RHOJ: variants seen among roughly 807,000 people sequenced by gnomAD.
RHOJ encodes ras homolog family member J.
RHOJ carries 11 observed loss-of-function variants against 23.4 expected under a neutral mutation model. The observed-to-expected ratio is 0.47, with a 90% CI of 0.30 to 0.78. The LOEUF is 0.78. RHOJ is among the 30% of genes least tolerant of loss of function. The pLI, the probability that RHOJ is intolerant of heterozygous loss-of-function variation, is 0.08. For missense variants in RHOJ, 254 were observed against 273.4 expected (o/e 0.93, Z 0.50); for synonymous variants, 102 against 102.7 (o/e 0.99, Z 0.04).
chr14:63,238,583 G>A (rs189566366), intron 1 of RHOJ, among the ~76,000 whole-genome samples: 93 of 152,140 alleles, frequency 6.1e-4, no homozygotes, highest in African/African-American at 2.1e-3. Flanking sequence ...CACCATGCCC[G>A]GATAATTTTT....
chr14:63,241,588 A>T (rs1894884645), intron 1 of RHOJ, among the ~76,000 whole-genome samples: 2 of 152,156 alleles, frequency 1.3e-5, no homozygotes, highest in Non-Finnish European at 1.5e-5. Flanking sequence ...AGCCTTGCAG[A>T]TGACAGGAAC....
At chr14:63,258,600 C>G (rs987178710) in intron 1 of RHOJ, among the ~76,000 whole-genome samples, 5 of 152,182 alleles carry the variant, frequency 3.3e-5, no homozygotes, top group Non-Finnish European at 7.3e-5. Context: ...TTCCCTCTCC[C>G]CAACAGCCCA....
intron 1 of RHOJ, among the ~76,000 whole-genome samples, chr14:63,258,875 T>C (rs1415398137): frequency 1.3e-5 from 2 of 152,230 alleles, no homozygotes; most frequent in Non-Finnish European, 2.9e-5. Flanking sequence ...TGTGTTTCCT[T>C]GTATGTGAAG....
At position 63,227,831 on chromosome 14, in the gene RHOJ, T is replaced by C. The variant is rs532807291; in HGVS notation, c.178+22784T>C. On this transcript the variant is annotated intron_variant, in intron 1 of 4. Coordinates refer to ENST00000316754, the MANE Select transcript of RHOJ (RefSeq NM_020663.5). ...AATAAACATTAAAGACAGATTTACATGAAGCTAATGAAGATTACGTTTCAG... is the reference window on the plus strand; with the variant it reads ...AATAAACATTAAAGACAGATTTACACGAAGCTAATGAAGATTACGTTTCAG... Among the ~76,000 whole-genome samples, 9 of 152,342 alleles carry C rather than the reference T, an allele frequency of 5.9e-5. 1 individual carries two copies. The highest frequency in any genetic ancestry group is 1.9e-4 in the African/African-American group (8 of 41,584).
chr14:63,259,026 G>A (rs975761056), intron 1 of RHOJ, among the ~76,000 whole-genome samples: 2 of 152,038 alleles, frequency 1.3e-5, no homozygotes, highest in South Asian at 2.1e-4. Context: ...AGCAACCTCC[G>A]CCTCCCAGGT....
Position 63,281,116 on chromosome 14 carries a change from A to C in RHOJ, c.383A>C (p.Tyr128Ser), listed in dbSNP as rs546171562. ...AAGGACTGCATGCCTCACGTGCCTT[A>C]TGTCCTCATAGGGACCCAGGTTAAA... ...ELKDCMPHVP[Y>S]VLIGTQIDLR... Residue 128 changes from tyrosine to serine, a missense_variant, in exon 3 of 5, where the codon TAT becomes TCT. Coordinates refer to ENST00000316754, the MANE Select transcript of RHOJ (RefSeq NM_020663.5). 14 of 1,612,662 alleles carry C rather than the reference A, an allele frequency of 8.7e-6. No individual in the cohort carries two copies. In the East Asian group the frequency reaches 2.7e-4, roughly 31 times the overall value.
chr14:63,280,938 G>A (rs1341881846), intron 2 of RHOJ, 33 bp from the exon 3 acceptor site: 2 of 1,594,776 alleles, frequency 1.3e-6, no homozygotes. Context: ...ACCTTACACA[G>A]GCTGTACAAA....
chr14:63,291,238 G>C lies in RHOJ; in HGVS notation c.*214G>C, dbSNP rs1342555624. 5.1e-6 allele frequency: 3 copies of C among 582,946 alleles called. No homozygotes were observed. In the African/African-American group the frequency reaches 5.6e-5, roughly 11 times the overall value. 36.1% of individuals were successfully genotyped at this position (582,946 alleles called of 1,614,324 possible). A position where few individuals can be genotyped will look rare whatever the true frequency, so the allele number is the denominator to read the frequency against. ...GCCAGAAGCATCCGTACTGCACGCT[G>C]TCTGAGAATGCTGGGCCTGGATTGC... On this transcript the variant is annotated 3_prime_UTR_variant, in exon 5 of 5. Transcript: ENST00000316754.
chr14:63,227,055 G>A (rs996797367), intron 1 of RHOJ, among the ~76,000 whole-genome samples: 1 of 152,032 alleles, frequency 6.6e-6, no homozygotes, highest in Admixed American at 6.6e-5. Context: ...GGGTTCAAGC[G>A]ATTCTCCCAC....
At chr14:63,221,556 G>C (rs1458369334) in intron 1 of RHOJ, among the ~76,000 whole-genome samples, 1 of 152,208 alleles carries the variant, frequency 6.6e-6, no homozygotes, top group Non-Finnish European at 1.5e-5. Flanking sequence ...ACTTTTTCCA[G>C]TGTCAGAAAC....
intron 1 of RHOJ, among the ~76,000 whole-genome samples, chr14:63,213,964 G>A (rs1373309203): frequency 2.6e-5 from 4 of 152,160 alleles, no homozygotes; most frequent in East Asian, 3.8e-4. Flanking sequence ...GAAGGCCAGC[G>A]ATGTGCCCAA....
chr14:63,278,728 A>T (rs1268001640), intron 2 of RHOJ, among the ~76,000 whole-genome samples: 4 of 152,146 alleles, frequency 2.6e-5, no homozygotes, highest in Admixed American at 1.3e-4. Flanking sequence ...CACGCCTATC[A>T]TCCTAGCACT....
In RHOJ at chr14:63,204,467, T is replaced by C. The variant is rs944009837; in HGVS notation, c.-403T>C. ...CATTAAAAAGCCCAGCTTTCCTCCA[T>C]GTTAGATGTGACTTGGAAAATGAGA... On this transcript the variant is annotated 5_prime_UTR_variant, in exon 1 of 5. An upstream start codon of the reference 5' UTR is lost. Transcript: ENST00000316754. The C allele has an allele frequency of 5.3e-6, 1 of 188,158 alleles. No homozygotes were observed. The highest frequency in any genetic ancestry group is 1.1e-5 in the Non-Finnish European group (1 of 90,102). The allele number at this position is 188,158 out of a possible 1,614,324, so 11.7% of individuals were successfully genotyped here. A position where few individuals can be genotyped will look rare whatever the true frequency, so the allele number is the denominator to read the frequency against.
chr14:63,270,790 G>A (rs972736094), intron 2 of RHOJ, among the ~76,000 whole-genome samples: 41 of 152,056 alleles, frequency 2.7e-4, no homozygotes, highest in Admixed American at 5.2e-4. Flanking sequence ...GTCATGACTC[G>A]GAAACCTCTC....
chr14:63,220,196 T>C (rs1894458566), intron 1 of RHOJ, among the ~76,000 whole-genome samples: 1 of 152,100 alleles, frequency 6.6e-6, no homozygotes, highest in Admixed American at 6.5e-5. Context: ...AATTAAGTAA[T>C]ATTTTTCTCT....
At chr14:63,239,763 G>C (rs768595123) in intron 1 of RHOJ, among the ~76,000 whole-genome samples, 24 of 152,182 alleles carry the variant, frequency 1.6e-4, no homozygotes, top group Non-Finnish European at 1.0e-4. Context: ...CCACTTGCAG[G>C]ACAGACTTAA....
At chr14:63,231,540 CAT>C (rs1200874630) in intron 1 of RHOJ, among the ~76,000 whole-genome samples, 12 of 152,316 alleles carry the variant, frequency 7.9e-5, no homozygotes, top group African/African-American at 2.6e-4. Context: ...GACGCACACA[CAT>C]GTACGGTGGT....
chr14:63,218,631 G>A (rs1894417018), intron 1 of RHOJ, among the ~76,000 whole-genome samples: 1 of 152,122 alleles, frequency 6.6e-6, no homozygotes, highest in South Asian at 2.1e-4. Flanking sequence ...GTGCACATCA[G>A]CCAAACATCC....
intron 2 of RHOJ, among the ~76,000 whole-genome samples, chr14:63,274,902 C>G (rs991090270): frequency 1.1e-4 from 16 of 151,998 alleles, no homozygotes; most frequent in African/African-American, 3.6e-4. Context: ...AGACTTGTAC[C>G]AAAAAATCTG....
Sources: gnomAD v4.1 joint callset for allele counts (sites outside exome capture counted in the v4.1 genomes callset) on GRCh38, gnomAD v4.1.1 for gene constraint, MANE v1.5 for transcripts, NCBI Gene and HGNC (gene_info 2026-07-23, HGNC 2026-07-21) for gene names.